The following HIGD1A variants were observed in gnomAD, a reference collection of about 807,000 sequenced individuals.
HIGD1A encodes HIG1 domain family member 1A, mitochondrial.
HIGD1A carries 8 observed loss-of-function variants against 11.3 expected under a neutral mutation model. The observed-to-expected ratio is 0.71, with a 90% CI of 0.42 to 1.28. HIGD1A has a LOEUF of 1.28. Among genes scored for constraint, HIGD1A ranks in the 50% most tolerant of loss-of-function variants. The probability of loss-of-function intolerance (pLI) is 0.01; values close to 1 mark genes in which losing one functional copy is unlikely to be tolerated. For missense variants in HIGD1A, 107 were observed against 118.8 expected (o/e 0.90, Z 0.46); for synonymous variants, 32 against 38.4 (o/e 0.83, Z 0.62).
In HIGD1A at chr3:42,801,964, A is replaced by G. The variant is rs1700570341; in HGVS notation, c.-23+2472T>C. On this transcript the variant is annotated intron_variant, in intron 1 of 3. Coordinates refer to ENST00000321331, the MANE Select transcript of HIGD1A (RefSeq NM_014056.4). ...AGGGCTGCTTGAGCCTGGAAAGTGG[A>G]GGTTGCGGTGAGCCATGATCCAGCC... is the stretch of plus-strand genomic sequence containing the variant. 1.3e-5 allele frequency among the ~76,000 whole-genome samples: 2 copies of G among 152,186 alleles called. 1 individual carries two copies. Among genetic ancestry groups the G allele is most frequent in the South Asian group, 4.1e-4 (2 of 4,834 alleles).
chr3:42,794,164 T>C lies in HIGD1A; in HGVS notation c.90A>G (p.Val30=). ...LIRKAKEAPF[V]PVGIAGFAAI... Reference sequence around the variant, plus strand: ...AATGTCAGTCAAACTTACCAACGGGTACGAATGGTGCCTCTTTAGCTTTTC... The same window carrying C: ...AATGTCAGTCAAACTTACCAACGGGCACGAATGGTGCCTCTTTAGCTTTTC... Residue 30 remains valine (V), a synonymous_variant, in exon 2 of 4, where the codon GTA becomes GTG. Transcript: ENST00000321331. 1 of 1,602,048 alleles carries C rather than the reference T, an allele frequency of 6.2e-7. No homozygotes were observed. The highest frequency in any genetic ancestry group is 8.5e-7 in the Non-Finnish European group (1 of 1,176,610).
chr3:42,796,526 G>A (rs535493379), intron 1 of HIGD1A, among the ~76,000 whole-genome samples: 3 of 152,034 alleles, frequency 2.0e-5, no homozygotes, highest in Non-Finnish European at 4.4e-5. Flanking sequence ...TACCAAGACA[G>A]GGGAATTGCA....
At chr3:42,796,207 A>T (rs1407223348) in intron 1 of HIGD1A, among the ~76,000 whole-genome samples, 3 of 152,204 alleles carry the variant, frequency 2.0e-5, no homozygotes, top group Non-Finnish European at 4.4e-5. Flanking sequence ...CATTGAGAAG[A>T]CTCAACTGTC....
chr3:42,787,596 T>TATATATATATATATATATATATAC (rs1191938372), intron 2 of HIGD1A, among the ~76,000 whole-genome samples: 1 of 130,326 alleles, frequency 7.7e-6, no homozygotes, highest in African/African-American at 2.8e-5. Context: ...ATCTCAAAAA[T>TATATATATATATATATATATATAC]ATATATATAT....
intron 2 of HIGD1A, 119 bp from the exon 3 acceptor site, chr3:42,786,281 T>A: frequency 1.7e-6 from 2 of 1,168,892 alleles, no homozygotes; most frequent in Non-Finnish European, 2.4e-6. Context: ...ATTAATTAGC[T>A]AACATACAAA....
In HIGD1A at chr3:42,790,464, C is replaced by T. The variant is rs570119923; in HGVS notation, c.97+3693G>A. Among the ~76,000 whole-genome samples, 7 of 152,238 alleles carry T rather than the reference C, an allele frequency of 4.6e-5. No homozygotes were observed. In the South Asian group the frequency reaches 6.2e-4, roughly 14 times the overall value. Reference sequence around the variant, plus strand: ...ACAAGAATTGCTTGAACCCGGGAGGCGGAGGTTGCAGTAAGCTGAGATTGT... The same window carrying T: ...ACAAGAATTGCTTGAACCCGGGAGGTGGAGGTTGCAGTAAGCTGAGATTGT... On this transcript the variant is annotated intron_variant, in intron 2 of 3. Coordinates refer to ENST00000321331, the MANE Select transcript of HIGD1A (RefSeq NM_014056.4).
chr3:42,783,695 A>G lies in HIGD1A; in HGVS notation c.*1576T>C, dbSNP rs1318373966. Among the ~76,000 whole-genome samples, 1 of 152,200 alleles carries G rather than the reference A, an allele frequency of 6.6e-6. No homozygotes were observed. The highest frequency in any genetic ancestry group is 2.4e-5 in the African/African-American group (1 of 41,462). ...ATCGACCAGAACTGGTTAGTAGAGG[A>G]GGAGGGAAGGAAGAAATATGCTAGG... On this transcript the variant is annotated 3_prime_UTR_variant, in exon 4 of 4. Transcript: ENST00000321331.
At chr3:42,790,208 T>G (rs903365752) in intron 2 of HIGD1A, among the ~76,000 whole-genome samples, 3 of 152,110 alleles carry the variant, frequency 2.0e-5, no homozygotes, top group Admixed American at 1.3e-4. Context: ...CATCTAACTG[T>G]GTGTATAGGA....
chr3:42,804,035 G>A, intron 1 of HIGD1A: 3 of 914,138 alleles, frequency 3.3e-6, no homozygotes, highest in Non-Finnish European at 4.9e-6. Context: ...CTGCCGCTTA[G>A]CCCGCTCTTC....
At chr3:42,795,723 G>GAAA (rs35403872) in intron 1 of HIGD1A, among the ~76,000 whole-genome samples, 3 of 142,086 alleles carry the variant, frequency 2.1e-5, no homozygotes, top group Non-Finnish European at 4.6e-5. Context: ...AAGGGGATAG[G>GAAA]AAAAAAAAAA....
chr3:42,788,223 G>A (rs533135385), intron 2 of HIGD1A, among the ~76,000 whole-genome samples: 1 of 152,348 alleles, frequency 6.6e-6, no homozygotes, highest in South Asian at 2.1e-4. Flanking sequence ...TGAGGAAGTG[G>A]ATATAATCAC....
At position 42,788,439 on chromosome 3, in the gene HIGD1A, T is replaced by C. The variant is rs973865649; in HGVS notation, c.98-2277A>G. Among the ~76,000 whole-genome samples the C allele has an allele frequency of 1.8e-4, 28 of 152,324 alleles. No homozygotes were observed. In the Middle Eastern group the frequency reaches 0.01, roughly 56 times the overall value. On this transcript the variant is annotated intron_variant, in intron 2 of 3. Coordinates refer to ENST00000321331, the MANE Select transcript of HIGD1A (RefSeq NM_014056.4). ...TATCCCCAAAAGATAAAGACCCCAA[T>C]AGTTTCATTAACAAGGTCTAATAAA... is the stretch of plus-strand genomic sequence containing the variant.
rs527664295 is a variant in HIGD1A at position 42,794,818 on chromosome 3, T to C, written c.-22-543A>G. Among the ~76,000 whole-genome samples the C allele has an allele frequency of 9.5e-4, 145 of 152,336 alleles. No individual in the cohort carries two copies. The Middle Eastern group carries it at 0.01, about 11-fold the overall frequency. Reference sequence around the variant, plus strand: ...TCACTTCAGATTAGTTTCCAGTCTATTACAGTAATCTGTTATCCATGGTGG... The same window carrying C: ...TCACTTCAGATTAGTTTCCAGTCTACTACAGTAATCTGTTATCCATGGTGG... On this transcript the variant is annotated intron_variant, in intron 1 of 3. Transcript: ENST00000321331.
At chr3:42,791,318 A>T (rs1700419096) in intron 2 of HIGD1A, among the ~76,000 whole-genome samples, 2 of 152,238 alleles carry the variant, frequency 1.3e-5, no homozygotes, top group South Asian at 4.1e-4. Flanking sequence ...AAGTAATCCC[A>T]GGATCATGAA....
chr3:42,793,510 A>AC (rs1700454024), intron 2 of HIGD1A, among the ~76,000 whole-genome samples: 1 of 152,222 alleles, frequency 6.6e-6, no homozygotes, highest in Non-Finnish European at 1.5e-5. Flanking sequence ...GGTTTATCCT[A>AC]CACTTCATTC....
At chr3:42,799,841 G>A (rs889342598) in intron 1 of HIGD1A, among the ~76,000 whole-genome samples, 10 of 152,256 alleles carry the variant, frequency 6.6e-5, no homozygotes, top group African/African-American at 2.4e-4. Flanking sequence ...GTAATTAGTT[G>A]TCAAAAGCCT....
chr3:42,789,038 ATTTT>A (rs35390450), intron 2 of HIGD1A, among the ~76,000 whole-genome samples: 1 of 113,946 alleles, frequency 8.8e-6, no homozygotes, highest in Non-Finnish European at 1.7e-5. Flanking sequence ...TACTTTGGGA[ATTTT>A]TTTTTTTTTT....
intron 2 of HIGD1A, among the ~76,000 whole-genome samples, chr3:42,790,992 A>G (rs1700415758): frequency 6.6e-6 from 1 of 152,180 alleles, no homozygotes; most frequent in South Asian, 2.1e-4. Context: ...TCTTTTTAAG[A>G]AGGTAGAATA....
Position 42,784,147 on chromosome 3 carries a change from A to G in HIGD1A, c.*1124T>C, listed in dbSNP as rs1197599954. ...TTACCCACAAAAGGAAAAAAAATAAAACATACCATAAAGTAAAATATTTTT... is the reference window on the plus strand; with the variant it reads ...TTACCCACAAAAGGAAAAAAAATAAGACATACCATAAAGTAAAATATTTTT... On this transcript the variant is annotated 3_prime_UTR_variant, in exon 4 of 4. Coordinates refer to ENST00000321331, the MANE Select transcript of HIGD1A (RefSeq NM_014056.4). Among the ~76,000 whole-genome samples the G allele has an allele frequency of 6.6e-6, 1 of 152,110 alleles. No homozygotes were observed. The highest frequency in any genetic ancestry group is 1.9e-4 in the East Asian group (1 of 5,194).
Sources: allele counts gnomAD v4.1 joint callset (sites outside exome capture counted in the v4.1 genomes callset), GRCh38; gene constraint gnomAD v4.1.1; transcripts MANE v1.5; gene names NCBI Gene and HGNC (gene_info 2026-07-23, HGNC 2026-07-21).